FOXP1: variants seen among roughly 807,000 people sequenced by gnomAD.
FOXP1 encodes forkhead box P1.
Under a neutral mutation model 98.2 loss-of-function variants are expected in FOXP1, and 15 were observed. That is an observed-to-expected ratio of 0.15 (90% CI 0.10 to 0.24). The LOEUF is 0.24. Among genes scored for constraint, FOXP1 ranks in the 10% least tolerant of loss-of-function variants. The pLI, the probability that FOXP1 is intolerant of heterozygous loss-of-function variation, is 1.00. For synonymous variants in FOXP1, 371 were observed against 314.5 expected, an observed-to-expected ratio of 1.18 and a Z score of -1.90; for missense variants, 633 against 848.5, an observed-to-expected ratio of 0.75 and a Z score of 3.15.
chr3:70,965,007 T>C (rs558742492), intron 20 of FOXP1, among the ~76,000 whole-genome samples: 1 of 152,334 alleles, frequency 6.6e-6, no homozygotes, highest in African/African-American at 2.4e-5. Flanking sequence ...ACAAGCAGCC[T>C]ATTCTAGGAA....
At chr3:71,008,286 A>T (rs145946911) in intron 12 of FOXP1, among the ~76,000 whole-genome samples, 98 of 152,248 alleles carry the variant, frequency 6.4e-4, no homozygotes, top group African/African-American at 2.2e-3. Context: ...CATTAAAAAA[A>T]GGGAGGGGGA....
intron 5 of FOXP1, among the ~76,000 whole-genome samples, chr3:71,266,035 G>A (rs912266545): frequency 6.6e-6 from 1 of 152,140 alleles, no homozygotes; most frequent in Non-Finnish European, 1.5e-5. Context: ...AAACCCATCA[G>A]ATGGTGGGTT....
intron 5 of FOXP1, among the ~76,000 whole-genome samples, chr3:71,247,618 A>G (rs979547893): frequency 6.6e-6 from 1 of 152,234 alleles, no homozygotes; most frequent in African/African-American, 2.4e-5. Flanking sequence ...CACTAGCACA[A>G]TGAAAAGGGA....
At chr3:71,141,109 T>A (rs9990043) in intron 6 of FOXP1, among the ~76,000 whole-genome samples, 134,348 of 151,750 alleles carry the variant, frequency 0.89, 61,900 homozygotes, top group East Asian at 1. Flanking sequence ...TTTACTAAAA[T>A]TACAAAAAAT....
intron 5 of FOXP1, among the ~76,000 whole-genome samples, chr3:71,230,659 GAAGA>G (rs953748009): frequency 2.6e-5 from 4 of 152,194 alleles, no homozygotes; most frequent in Non-Finnish European, 4.4e-5. Context: ...AATACTCGGG[GAAGA>G]AAGAAAGATT....
At chr3:71,161,410 C>T (rs770101590) in intron 6 of FOXP1, among the ~76,000 whole-genome samples, 84 of 152,160 alleles carry the variant, frequency 5.5e-4, no homozygotes, top group Non-Finnish European at 1.1e-3. Context: ...CGTGACCTCT[C>T]ATCATTCAGC....
chr3:71,140,167 T>C (rs2060000278), intron 6 of FOXP1, among the ~76,000 whole-genome samples: 1 of 152,172 alleles, frequency 6.6e-6, no homozygotes, highest in African/African-American at 2.4e-5. Flanking sequence ...TTTTTTAGGA[T>C]CTTGGAATAT....
At chr3:71,312,784 G>A (rs1306318498) in intron 4 of FOXP1, among the ~76,000 whole-genome samples, 1 of 152,034 alleles carries the variant, frequency 6.6e-6, no homozygotes, top group Non-Finnish European at 1.5e-5. Context: ...TCAGGAGTTC[G>A]AGGCCAGCCT....
intron 2 of FOXP1, among the ~76,000 whole-genome samples, chr3:71,568,653 CTT>C (rs35502384): frequency 6.7e-6 from 1 of 148,948 alleles, no homozygotes; most frequent in Non-Finnish European, 1.5e-5. Context: ...AATTTTTTTT[CTT>C]TTTTTTTTTC....
At chr3:71,482,697 G>A (rs1024762328) in intron 3 of FOXP1, among the ~76,000 whole-genome samples, 2 of 152,000 alleles carry the variant, frequency 1.3e-5, no homozygotes, top group African/African-American at 2.4e-5. Flanking sequence ...ACCACACCTG[G>A]CCTAATAATA....
At chr3:71,052,399 TA>T (rs2050020782) in intron 9 of FOXP1, 137 bp downstream of exon 9, 1 of 711,960 alleles carries the variant, frequency 1.4e-6, no homozygotes, top group Admixed American at 2.1e-5. Flanking sequence ...AACAGGACAA[TA>T]ATTCTCAGTC....
chr3:71,244,391 T>TC (rs1560176768), intron 5 of FOXP1, among the ~76,000 whole-genome samples: 1 of 148,260 alleles, frequency 6.7e-6, no homozygotes, highest in African/African-American at 2.5e-5. Flanking sequence ...AACTTGGCCC[T>TC]CCCCCCGAAG....
At chr3:71,119,035 T>C (rs2058573033) in intron 6 of FOXP1, among the ~76,000 whole-genome samples, 1 of 152,218 alleles carries the variant, frequency 6.6e-6, no homozygotes, top group Admixed American at 6.5e-5. Flanking sequence ...GATAGAATCC[T>C]ATATAAACAC....
chr3:71,201,485 A>T (rs1304350717), intron 5 of FOXP1, among the ~76,000 whole-genome samples: 2 of 152,050 alleles, frequency 1.3e-5, no homozygotes, highest in African/African-American at 4.8e-5. Flanking sequence ...TCTCTACTAA[A>T]AATACAAAAA....
At chr3:71,512,213 T>C (rs761624781) in intron 2 of FOXP1, among the ~76,000 whole-genome samples, 3 of 152,152 alleles carry the variant, frequency 2.0e-5, no homozygotes, top group Non-Finnish European at 4.4e-5. Flanking sequence ...TGCCTCCCAG[T>C]GGTGCCTTAG....
chr3:70,965,841 G>C (rs766891841), intron 20 of FOXP1, 49 bp downstream of exon 20: 6 of 1,578,902 alleles, frequency 3.8e-6, no homozygotes. Flanking sequence ...CGTGTACCTA[G>C]GGAGACTAGG....
chr3:71,396,132 T>C (rs1179758895), intron 3 of FOXP1, among the ~76,000 whole-genome samples: 4 of 152,060 alleles, frequency 2.6e-5, no homozygotes, highest in East Asian at 1.9e-4. Context: ...CTGAGTCAAG[T>C]CTTAGAGTTC....
intron 3 of FOXP1, among the ~76,000 whole-genome samples, chr3:71,366,184 G>A (rs1229612927): frequency 6.6e-6 from 1 of 152,060 alleles, no homozygotes; most frequent in East Asian, 1.9e-4. Context: ...CATACATACA[G>A]AGAGATATCT....
intron 6 of FOXP1, among the ~76,000 whole-genome samples, chr3:71,145,387 A>C (rs556216916): frequency 6.6e-5 from 10 of 152,040 alleles, no homozygotes; most frequent in Non-Finnish European, 1.3e-4. Flanking sequence ...TAACACAAAA[A>C]TTAGCTGGGC....
Sources: allele counts gnomAD v4.1 joint callset (sites outside exome capture counted in the v4.1 genomes callset), GRCh38; gene constraint gnomAD v4.1.1; transcripts MANE v1.5; gene names NCBI Gene and HGNC (gene_info 2026-07-23, HGNC 2026-07-21).